Variants in KCTD16 observed in about 807,000 individuals in gnomAD.
The protein encoded by KCTD16 is BTB/POZ domain-containing protein KCTD16.
Under a neutral mutation model 33.2 loss-of-function variants are expected in KCTD16, and 13 were observed. The observed-to-expected ratio is 0.39, with a 90% CI of 0.25 to 0.62. KCTD16 has a LOEUF of 0.62. KCTD16 is among the 20% of genes least tolerant of loss of function. The pLI, the probability that KCTD16 is intolerant of heterozygous loss-of-function variation, is 0.50. For missense variants in KCTD16, 441 were observed against 525.1 expected, an observed-to-expected ratio of 0.84 and a Z score of 1.57; for synonymous variants, 197 against 195.3, an observed-to-expected ratio of 1.01 and a Z score of -0.07.
At chr5:144,413,802 T>C (rs1376300548) in intron 3 of KCTD16, among the ~76,000 whole-genome samples, 1 of 152,198 alleles carries the variant, frequency 6.6e-6, no homozygotes, top group African/African-American at 2.4e-5. Flanking sequence ...AATCTCTGAG[T>C]ACTTTCTTTT....
intron 3 of KCTD16, among the ~76,000 whole-genome samples, chr5:144,269,609 A>AGTGAAGTTAAAGGACAGCAGAC (rs1192089470): frequency 6.6e-6 from 1 of 152,132 alleles, no homozygotes; most frequent in Non-Finnish European, 1.5e-5. Context: ...AGCCCTGCAA[A>AGTGAAGTTAAAGGACAGCAGAC]GTGAAGTTAA....
At chr5:144,308,018 G>T (rs1463403084) in intron 3 of KCTD16, among the ~76,000 whole-genome samples, 2 of 152,204 alleles carry the variant, frequency 1.3e-5, no homozygotes, top group African/African-American at 4.8e-5. Flanking sequence ...CAGATGGTCT[G>T]CCTGGCTTGG....
intron 3 of KCTD16, among the ~76,000 whole-genome samples, chr5:144,436,414 G>GT (rs1753579457): frequency 6.6e-6 from 1 of 151,984 alleles, no homozygotes; most frequent in African/African-American, 2.4e-5. Flanking sequence ...CATTTTGTAA[G>GT]GCTATTGTTC....
At chr5:144,284,173 T>A (rs1755678958) in intron 3 of KCTD16, among the ~76,000 whole-genome samples, 3 of 152,230 alleles carry the variant, frequency 2.0e-5, no homozygotes, top group African/African-American at 7.2e-5. Flanking sequence ...TTGCCTTGAT[T>A]GGTCTGGATT....
At chr5:144,365,725 C>G (rs953588437) in intron 3 of KCTD16, among the ~76,000 whole-genome samples, 3 of 152,132 alleles carry the variant, frequency 2.0e-5, no homozygotes, top group South Asian at 2.1e-4. Flanking sequence ...AAGTTGCAAT[C>G]AATGGACAAC....
chr5:144,418,411 T>G (rs1317578559), intron 3 of KCTD16, among the ~76,000 whole-genome samples: 2 of 152,078 alleles, frequency 1.3e-5, no homozygotes, highest in East Asian at 1.9e-4. Flanking sequence ...TTTTACAGAG[T>G]GCTGATTGGT....
intron 3 of KCTD16, among the ~76,000 whole-genome samples, chr5:144,269,129 G>A (rs1580833754): frequency 6.6e-6 from 1 of 152,070 alleles, no homozygotes; most frequent in Admixed American, 6.6e-5. Flanking sequence ...TTTACACATT[G>A]TGGGGCTCAT....
intron 2 of KCTD16, chr5:144,205,554 G>A (rs935527996): frequency 4.8e-5 from 19 of 398,638 alleles, no homozygotes; most frequent in Middle Eastern, 6.2e-4. Flanking sequence ...CGGCAGGTGG[G>A]GTGGCTACCT....
intron 3 of KCTD16, among the ~76,000 whole-genome samples, chr5:144,223,768 G>C (rs1227698431): frequency 6.6e-6 from 1 of 152,000 alleles, no homozygotes; most frequent in Admixed American, 6.6e-5. Context: ...TCCTGACTTC[G>C]AGTTGCTAGG....
At chr5:144,186,085 G>A (rs541597382) in intron 2 of KCTD16, among the ~76,000 whole-genome samples, 1 of 152,252 alleles carries the variant, frequency 6.6e-6, no homozygotes, top group Admixed American at 6.5e-5. Flanking sequence ...ACACCAGGCT[G>A]TCTTCAGAGC....
chr5:144,311,616 A>C (rs1355212075), intron 3 of KCTD16, among the ~76,000 whole-genome samples: 1 of 152,200 alleles, frequency 6.6e-6, no homozygotes, highest in Admixed American at 6.6e-5. Flanking sequence ...AAGCCATTAC[A>C]AATTATGTGG....
chr5:144,373,751 T>C (rs963000983), intron 3 of KCTD16, among the ~76,000 whole-genome samples: 14 of 152,234 alleles, frequency 9.2e-5, no homozygotes, highest in African/African-American at 3.4e-4. Flanking sequence ...GGCATAGGCA[T>C]TTACAAATGG....
intron 2 of KCTD16, among the ~76,000 whole-genome samples, chr5:144,180,743 G>A (rs116848915): frequency 1.3e-5 from 2 of 152,070 alleles, no homozygotes; most frequent in African/African-American, 2.4e-5. Context: ...ATGTGGTACG[G>A]GCTTCCTCAA....
chr5:144,339,211 G>A (rs1752566963), intron 3 of KCTD16, among the ~76,000 whole-genome samples: 2 of 152,144 alleles, frequency 1.3e-5, no homozygotes. Context: ...AAAAGCAAGT[G>A]CCAATTTTAT....
intron 3 of KCTD16, among the ~76,000 whole-genome samples, chr5:144,388,238 C>A (rs1312635527): frequency 6.6e-6 from 1 of 151,136 alleles, no homozygotes; most frequent in Non-Finnish European, 1.5e-5. Context: ...CGCCACCACG[C>A]CCAGCTATTT....
At chr5:144,372,665 A>G (rs1201485823) in intron 3 of KCTD16, among the ~76,000 whole-genome samples, 2 of 152,226 alleles carry the variant, frequency 1.3e-5, no homozygotes, top group Non-Finnish European at 2.9e-5. Flanking sequence ...CAAGGTGGAC[A>G]TGCCAGGCAG....
intron 3 of KCTD16, among the ~76,000 whole-genome samples, chr5:144,224,690 G>A (rs557961591): frequency 3.9e-5 from 6 of 152,094 alleles, no homozygotes; most frequent in East Asian, 1.9e-4. Flanking sequence ...AAATAATTGC[G>A]GTCTTAACTT....
At chr5:144,322,730 A>C (rs866382077) in intron 3 of KCTD16, among the ~76,000 whole-genome samples, 1 of 151,782 alleles carries the variant, frequency 6.6e-6, no homozygotes, top group Non-Finnish European at 1.5e-5. Context: ...ACTTTATTAA[A>C]AAAAAAAAAA....
chr5:144,183,431 G>A (rs927050043), intron 2 of KCTD16, among the ~76,000 whole-genome samples: 10 of 151,812 alleles, frequency 6.6e-5, no homozygotes, highest in Non-Finnish European at 1.2e-4. Context: ...TCTCCTTTTC[G>A]TCTCTACAAT....
Sources: gnomAD v4.1 joint callset for allele counts (sites outside exome capture counted in the v4.1 genomes callset) on GRCh38, gnomAD v4.1.1 for gene constraint, MANE v1.5 for transcripts, NCBI Gene and HGNC (gene_info 2026-07-23, HGNC 2026-07-21) for gene names.